The following RIMS2 variants were observed in gnomAD, a reference collection of about 807,000 sequenced individuals.
RIMS2 encodes regulating synaptic membrane exocytosis 2.
A neutral mutation model predicts 174.4 loss-of-function variants in RIMS2; 59 were observed. The ratio of observed to expected loss-of-function variants is 0.34; its 90% CI spans 0.27 to 0.42. The LOEUF is 0.42. Ranked by LOEUF, RIMS2 falls within the 10% of genes least tolerant of loss-of-function variation. RIMS2 has a pLI of 1.00. For missense variants in RIMS2, 1,620 were observed against 1,666.3 expected (o/e 0.97, Z 0.48); for synonymous variants, 606 against 572.5 (o/e 1.06, Z -0.84).
intron 19 of RIMS2, among the ~76,000 whole-genome samples, chr8:104,058,565 T>G (rs906321074): frequency 2.0e-5 from 3 of 150,066 alleles, no homozygotes; most frequent in African/African-American, 7.4e-5. Context: ...AGAAGCTCTT[T>G]AGTTTAATTA....
chr8:103,569,724 T>C (rs1418769508), intron 1 of RIMS2, among the ~76,000 whole-genome samples: 2 of 152,082 alleles, frequency 1.3e-5, no homozygotes, highest in Non-Finnish European at 2.9e-5. Context: ...TCAAACAATC[T>C]TCCTACATCT....
At chr8:103,815,731 A>G (rs189409631) in intron 3 of RIMS2, among the ~76,000 whole-genome samples, 18 of 152,224 alleles carry the variant, frequency 1.2e-4, no homozygotes, top group African/African-American at 4.1e-4. Flanking sequence ...AATAAGCATG[A>G]TAAATAAAAG....
At chr8:103,729,031 G>T (rs1431081124) in intron 2 of RIMS2, among the ~76,000 whole-genome samples, 1 of 151,732 alleles carries the variant, frequency 6.6e-6, no homozygotes, top group African/African-American at 2.4e-5. Context: ...TTGGCCTTTA[G>T]TTTTTTTGTT....
intron 1 of RIMS2, among the ~76,000 whole-genome samples, chr8:103,694,416 T>C (rs2097072505): frequency 6.6e-6 from 1 of 152,044 alleles, no homozygotes; most frequent in Admixed American, 6.5e-5. Flanking sequence ...GATGGCTTGA[T>C]GACTAGGGCT....
intron 17 of RIMS2, among the ~76,000 whole-genome samples, chr8:103,997,720 A>T (rs571297633): frequency 6.6e-6 from 1 of 151,758 alleles, no homozygotes; most frequent in Non-Finnish European, 1.5e-5. Context: ...TATTAAATGG[A>T]ATTGTTAAGG....
rs71881969 is a variant in RIMS2, at chr8:103,858,732, T to TACAC, written c.699-26542_699-26539dup. Among the ~76,000 whole-genome samples the TACAC allele has an allele frequency of 2.6e-3, 382 of 145,318 alleles. 4 individuals are homozygous for TACAC. Among genetic ancestry groups the TACAC allele is most frequent in the African/African-American group, 8.5e-3 (334 of 39,224 alleles). The stretch of plus-strand genomic sequence containing the variant: ...ATATACACATACCAATACATACCTA[T>TACAC]ACACACACACACACACACACACACA... On this transcript the variant is annotated intron_variant, in intron 3 of 23. Coordinates refer to ENST00000504942, the Ensembl canonical transcript of RIMS2.
chr8:103,900,625 A>G (rs529198828), intron 4 of RIMS2, among the ~76,000 whole-genome samples: 1 of 152,250 alleles, frequency 6.6e-6, no homozygotes, highest in Non-Finnish European at 1.5e-5. Context: ...CCCCAATTTA[A>G]AAGTGGGGTT....
At chr8:103,684,784 C>A (rs10106745) in intron 1 of RIMS2, among the ~76,000 whole-genome samples, 118,341 of 151,628 alleles carry the variant, frequency 0.78, 46,505 homozygotes, top group East Asian at 0.88. Context: ...ATGGGATTTC[C>A]CTATGTTGGC....
chr8:104,164,590 G>A (rs1463498395), intron 19 of RIMS2, among the ~76,000 whole-genome samples: 1 of 152,126 alleles, frequency 6.6e-6, no homozygotes, highest in Non-Finnish European at 1.5e-5. Context: ...AGAAAATGTG[G>A]TACATATATA....
chr8:103,508,272 G>A (rs186390104), intron 1 of RIMS2, among the ~76,000 whole-genome samples: 171 of 152,148 alleles, frequency 1.1e-3, no homozygotes, highest in Middle Eastern at 3.4e-3. Flanking sequence ...TAAGTACCAG[G>A]AGACTACTGT....
intron 1 of RIMS2, among the ~76,000 whole-genome samples, chr8:103,529,769 A>T (rs926085870): frequency 1.3e-5 from 2 of 152,262 alleles, no homozygotes; most frequent in Admixed American, 1.3e-4. Context: ...ATCTTCCAGT[A>T]TACTTTATAT....
At chr8:103,751,767 G>C (rs201603037) in intron 2 of RIMS2, among the ~76,000 whole-genome samples, 1 of 150,744 alleles carries the variant, frequency 6.6e-6, no homozygotes, top group Admixed American at 6.6e-5. Context: ...GTCTGTTCAT[G>C]TCCTTCGCCC....
intron 6 of RIMS2, among the ~76,000 whole-genome samples, chr8:103,913,295 G>A (rs2076082830): frequency 6.6e-6 from 1 of 151,878 alleles, no homozygotes; most frequent in South Asian, 2.1e-4. Context: ...TTTTAAATTA[G>A]TTGGACATAG....
chr8:103,692,659 G>A (rs988593026), intron 1 of RIMS2, among the ~76,000 whole-genome samples: 1 of 152,184 alleles, frequency 6.6e-6, no homozygotes. Flanking sequence ...TTCCTTTCTG[G>A]CCCAGAGTAT....
At chr8:103,641,488 T>C (rs1180687628) in intron 1 of RIMS2, among the ~76,000 whole-genome samples, 1 of 152,122 alleles carries the variant, frequency 6.6e-6, no homozygotes, top group Admixed American at 6.6e-5. Flanking sequence ...TAACTGTATG[T>C]ATGTACCTAT....
chr8:103,663,818 A>G (rs2096633754), intron 1 of RIMS2, among the ~76,000 whole-genome samples: 1 of 152,238 alleles, frequency 6.6e-6, no homozygotes, highest in Non-Finnish European at 1.5e-5. Context: ...AAGAGCCCGC[A>G]TAGCCAAGAC....
chr8:103,713,385 C>T (rs1294126162), intron 2 of RIMS2, among the ~76,000 whole-genome samples: 1 of 152,132 alleles, frequency 6.6e-6, no homozygotes, highest in East Asian at 1.9e-4. Context: ...TCACTTAGTC[C>T]AAGCAGACTT....
At chr8:103,506,306 A>T (rs997832336) in intron 1 of RIMS2, among the ~76,000 whole-genome samples, 1 of 152,116 alleles carries the variant, frequency 6.6e-6, no homozygotes, top group African/African-American at 2.4e-5. Context: ...TCCTCTTGAC[A>T]ATAGATTTTG....
chr8:103,664,915 G>A (rs1387178657), intron 1 of RIMS2, among the ~76,000 whole-genome samples: 1 of 152,186 alleles, frequency 6.6e-6, no homozygotes, highest in Non-Finnish European at 1.5e-5. Flanking sequence ...AGAAAATGTG[G>A]CACATATACA....
Sources: gnomAD v4.1 joint callset for allele counts (sites outside exome capture counted in the v4.1 genomes callset) on GRCh38, gnomAD v4.1.1 for gene constraint, MANE v1.5 for transcripts, NCBI Gene and HGNC (gene_info 2026-07-23, HGNC 2026-07-21) for gene names.